LUZP2: variants seen among roughly 807,000 people sequenced by gnomAD.
The protein encoded by LUZP2 is leucine zipper protein 2.
In LUZP2, 52 loss-of-function variants were observed where a neutral mutation model predicts 51.6. The observed-to-expected ratio is 1.01, with a 90% CI of 0.81 to 1.27. LUZP2 has a LOEUF of 1.27. LUZP2 is among the 50% of genes most tolerant of loss of function. LUZP2 has a pLI of 0.00. For missense variants in LUZP2, 436 were observed against 395.4 expected, an observed-to-expected ratio of 1.10 and a Z score of -0.87; for synonymous variants, 154 against 137.3, an observed-to-expected ratio of 1.12 and a Z score of -0.85.
intron 1 of LUZP2, among the ~76,000 whole-genome samples, chr11:24,516,431 C>G (rs547923305): frequency 9.5e-4 from 144 of 152,200 alleles, no homozygotes; most frequent in Non-Finnish European, 1.7e-3. Context: ...GGGATAAGTG[C>G]TCCAAAGCTA....
chr11:24,706,968 C>T (rs1857607386), intron 1 of LUZP2, among the ~76,000 whole-genome samples: 1 of 145,606 alleles, frequency 6.9e-6, no homozygotes, highest in South Asian at 2.2e-4. Context: ...CTTTACACAT[C>T]CAAATAGTTA....
chr11:24,707,495 T>G (rs970478181), intron 1 of LUZP2, among the ~76,000 whole-genome samples: 7 of 152,116 alleles, frequency 4.6e-5, no homozygotes, highest in Non-Finnish European at 1.0e-4. Context: ...ACTAGAACTC[T>G]TAGATATGAT....
At chr11:24,868,891 T>C (rs773766104) in intron 5 of LUZP2, among the ~76,000 whole-genome samples, 66 of 152,182 alleles carry the variant, frequency 4.3e-4, no homozygotes, top group Non-Finnish European at 1.9e-4. Flanking sequence ...TGATCAAAGC[T>C]TCTTCCTATA....
chr11:24,544,410 AGTT>A (rs1415160483), intron 1 of LUZP2, among the ~76,000 whole-genome samples: 4 of 152,060 alleles, frequency 2.6e-5, no homozygotes, highest in Non-Finnish European at 5.9e-5. Flanking sequence ...AGTGCCCATT[AGTT>A]ATTTTTCCTG....
chr11:25,039,629 C>A (rs1357019764), intron 9 of LUZP2, among the ~76,000 whole-genome samples: 1 of 152,106 alleles, frequency 6.6e-6, no homozygotes, highest in Non-Finnish European at 1.5e-5. Context: ...TGGGGAGATC[C>A]CCCTGCCAGC....
At chr11:24,691,156 T>A (rs1857052898) in intron 1 of LUZP2, among the ~76,000 whole-genome samples, 1 of 152,034 alleles carries the variant, frequency 6.6e-6, no homozygotes, top group Non-Finnish European at 1.5e-5. Context: ...CCACATGTTC[T>A]AAGCAGTCCA....
intron 5 of LUZP2, among the ~76,000 whole-genome samples, chr11:24,818,450 T>A (rs947423601): frequency 6.6e-6 from 1 of 152,042 alleles, no homozygotes; most frequent in Non-Finnish European, 1.5e-5. Context: ...CTGACATTAA[T>A]AAGCAGTGTC....
chr11:24,774,385 T>TATATAC (rs1554989452), intron 5 of LUZP2, among the ~76,000 whole-genome samples: 10 of 109,768 alleles, frequency 9.1e-5, no homozygotes, highest in Non-Finnish European at 1.7e-4. Context: ...TATATATACA[T>TATATAC]ACACACACAC....
chr11:25,002,308 A>G (rs1375087254), intron 9 of LUZP2, among the ~76,000 whole-genome samples: 2 of 152,166 alleles, frequency 1.3e-5, no homozygotes, highest in African/African-American at 2.4e-5. Context: ...TAAGGTCAGG[A>G]TTAGCTAAGG....
At chr11:24,660,832 C>A (rs528292421) in intron 1 of LUZP2, among the ~76,000 whole-genome samples, 1 of 151,850 alleles carries the variant, frequency 6.6e-6, no homozygotes, top group Non-Finnish European at 1.5e-5. Context: ...TTTCATAAAA[C>A]AATGGGCTTC....
intron 1 of LUZP2, among the ~76,000 whole-genome samples, chr11:24,682,131 A>G (rs73437104): frequency 2.4e-4 from 37 of 152,308 alleles, no homozygotes; most frequent in African/African-American, 7.7e-4. Flanking sequence ...TAGTTCTAAG[A>G]TATTCCACCT....
intron 5 of LUZP2, among the ~76,000 whole-genome samples, chr11:24,896,193 G>C (rs540537872): frequency 3.9e-5 from 6 of 152,212 alleles, no homozygotes; most frequent in Admixed American, 6.5e-5. Context: ...GACCACGCTC[G>C]AGGAGCCCTT....
intron 10 of LUZP2, among the ~76,000 whole-genome samples, chr11:25,060,022 G>A (rs1858791132): frequency 6.6e-6 from 1 of 152,112 alleles, no homozygotes; most frequent in Non-Finnish European, 1.5e-5. Flanking sequence ...TTTTAAAAAT[G>A]TAATCAACTC....
intron 1 of LUZP2, among the ~76,000 whole-genome samples, chr11:24,504,829 G>A (rs574749614): frequency 2.0e-5 from 3 of 152,056 alleles, no homozygotes; most frequent in South Asian, 4.2e-4. Flanking sequence ...CAGGGCAAGC[G>A]GGGAACTAAC....
At chr11:24,719,986 C>A (rs1479493194) in intron 1 of LUZP2, among the ~76,000 whole-genome samples, 1 of 152,064 alleles carries the variant, frequency 6.6e-6, no homozygotes, top group African/African-American at 2.4e-5. Context: ...AAGTGAATGG[C>A]CCAGCTAAGC....
In LUZP2 at chr11:25,022,680, A is replaced by C. The variant is rs185975858; in HGVS notation, c.766-27358A>C. Among the ~76,000 whole-genome samples, 370 of 152,202 alleles carry C rather than the reference A, an allele frequency of 2.4e-3. 2 individuals are homozygous for C. The highest frequency in any genetic ancestry group is 5.4e-3 in the South Asian group (26 of 4,828). ...GTGGGAAGATAAAAGTTATCTAGGA[A>C]ATCTGTGTTCCTAAATCAATAGTAC... On this transcript the variant is annotated intron_variant, in intron 9 of 11. Coordinates refer to ENST00000336930, the MANE Select transcript of LUZP2 (RefSeq NM_001009909.4).
At chr11:25,055,904 A>G (rs1858673203) in intron 10 of LUZP2, among the ~76,000 whole-genome samples, 1 of 152,152 alleles carries the variant, frequency 6.6e-6, no homozygotes, top group Non-Finnish European at 1.5e-5. Flanking sequence ...TAACTCATCC[A>G]AAGGATCCAG....
intron 5 of LUZP2, among the ~76,000 whole-genome samples, chr11:24,793,459 A>C (rs942736358): frequency 1.3e-5 from 2 of 152,190 alleles, no homozygotes; most frequent in African/African-American, 4.8e-5. Flanking sequence ...ATGGGTTTGC[A>C]GTGAAAAGAC....
chr11:24,569,117 C>A (rs1399147381), intron 1 of LUZP2, among the ~76,000 whole-genome samples: 4 of 152,028 alleles, frequency 2.6e-5, no homozygotes, highest in African/African-American at 4.8e-5. Context: ...TATTAAAAGA[C>A]CTTTGGGTTA....
Sources: gnomAD v4.1 joint callset for allele counts (sites outside exome capture counted in the v4.1 genomes callset) on GRCh38, gnomAD v4.1.1 for gene constraint, MANE v1.5 for transcripts, NCBI Gene and HGNC (gene_info 2026-07-23, HGNC 2026-07-21) for gene names.